DNAJC10: variants seen among roughly 807,000 people sequenced by gnomAD.
DNAJC10 encodes DnaJ heat shock protein family (Hsp40) member C10, also known as endoplasmic reticulum disulfide reductase DNAJC10.
A neutral mutation model predicts 115.0 loss-of-function variants in DNAJC10; 101 were observed. The ratio of observed to expected loss-of-function variants is 0.88; its 90% confidence interval spans 0.75 to 1.04. DNAJC10 has a LOEUF of 1.04. DNAJC10 is among the 50% of genes least tolerant of loss of function. The pLI is 0.00. For synonymous variants in DNAJC10, 307 were observed against 301.5 expected, an observed-to-expected ratio of 1.02 and a Z score of -0.19; for missense variants, 981 against 928.8, an observed-to-expected ratio of 1.06 and a Z score of -0.73.
chr2:182,751,903 GC>G, intron 15 of DNAJC10, 118 bp downstream of exon 15: 1 of 1,330,740 alleles, frequency 7.5e-7, no homozygotes, highest in Non-Finnish European at 1.0e-6. Context: ...TTCCATTATG[GC>G]CACTAATGCA....
At chr2:182,772,998 T>C (rs1694607992) in intron 22 of DNAJC10, among the ~76,000 whole-genome samples, 1 of 152,250 alleles carries the variant, frequency 6.6e-6, no homozygotes, top group African/African-American at 2.4e-5. Context: ...TTCCCAAGTT[T>C]AGTGCTTCCT....
intron 3 of DNAJC10, 21 bp from the exon 4 acceptor site, chr2:182,719,986 A>G (rs1574914505): frequency 1.5e-6 from 2 of 1,323,616 alleles, no homozygotes; most frequent in South Asian, 2.6e-5. Context: ...TAATTGTATT[A>G]TATCTAATAT....
chr2:182,772,069 C>T (rs7569212), intron 22 of DNAJC10, among the ~76,000 whole-genome samples: 5,686 of 152,210 alleles, frequency 0.037, 376 homozygotes, highest in African/African-American at 0.13. Context: ...GCCTTCATTT[C>T]GTTATTTACC....
At chr2:182,760,770 A>G in intron 21 of DNAJC10, among the ~76,000 whole-genome samples, 1 of 152,148 alleles carries the variant, frequency 6.6e-6, no homozygotes, top group East Asian at 1.9e-4. Flanking sequence ...AAAGCTTAGC[A>G]TCCCAGGCCA....
intron 14 of DNAJC10, among the ~76,000 whole-genome samples, chr2:182,745,257 T>G (rs56410902): frequency 2.8e-4 from 42 of 152,356 alleles, no homozygotes; most frequent in Non-Finnish European, 4.7e-4. Flanking sequence ...ACAGTCTGGC[T>G]CTGCCAGTTT....
chr2:182,739,587 T>C (rs1693679656), intron 11 of DNAJC10: 1 of 1,203,402 alleles, frequency 8.3e-7, no homozygotes. Context: ...GAGAGAGTTA[T>C]ATGACAAAAT....
At chr2:182,721,881 C>T in intron 4 of DNAJC10, 144 bp from the exon 5 acceptor site, 1 of 478,894 alleles carries the variant, frequency 2.1e-6, no homozygotes, top group Non-Finnish European at 3.7e-6. Context: ...TTTTTTTTCA[C>T]TTAGGATGTT....
rs182888667 is a variant in DNAJC10, at chr2:182,761,423, C to T, written c.2146-1259C>T. ...GTGTGTGTCTGCCTACATGCTTGTG[C>T]CCTAACACAAGTTAGTCTGCATTTT... On this transcript the variant is annotated intron_variant, in intron 21 of 23. Coordinates refer to ENST00000264065, the MANE Select transcript of DNAJC10 (RefSeq NM_018981.4). Among the ~76,000 whole-genome samples, 372 of 152,204 alleles carry T rather than the reference C, an allele frequency of 2.4e-3. 3 individuals are homozygous for T. The highest frequency in any genetic ancestry group is 8.6e-3 in the African/African-American group (356 of 41,550).
At chr2:182,759,791 C>T (rs1694246183) in intron 21 of DNAJC10, among the ~76,000 whole-genome samples, 1 of 152,088 alleles carries the variant, frequency 6.6e-6, no homozygotes, top group Non-Finnish European at 1.5e-5. Flanking sequence ...GTTCCAGGAA[C>T]CCCCATTCCA....
chr2:182,783,574 TAA>T lies in DNAJC10; in HGVS notation c.*6444_*6445del, dbSNP rs1277325970. On this transcript the variant is annotated 3_prime_UTR_variant, in exon 24 of 24. Transcript: ENST00000264065. ...TATCATGAAAATTATGAAGATGAGG[TAA>T]AGTCTGTTCCATTTTTCCTCTATTT... 8 of 152,194 alleles carry T rather than the reference TAA, an allele frequency of 5.3e-5. No individual in the cohort carries two copies. The highest frequency in any genetic ancestry group is 1.3e-4 in the Admixed American group (2 of 15,274). The allele number at this position is 152,194 out of a possible 1,614,324, so 9.4% of individuals were successfully genotyped here.
In DNAJC10 at chr2:182,773,283, C is replaced by T. The variant is rs137955231; in HGVS notation, c.2266-2033C>T. ...CTTAACATTTTTTCCTTCATATCAACCTTGGTGGATCTGACAATTATGTGT... is the reference window on the plus strand; with the variant it reads ...CTTAACATTTTTTCCTTCATATCAATCTTGGTGGATCTGACAATTATGTGT... On this transcript the variant is annotated intron_variant, in intron 22 of 23. Transcript: ENST00000264065. 4.6e-3 allele frequency among the ~76,000 whole-genome samples: 704 copies of T among 152,206 alleles called. 6 individuals carry two copies. Among genetic ancestry groups the T allele is most frequent in the African/African-American group, 0.016 (677 of 41,522 alleles).
intron 5 of DNAJC10, among the ~76,000 whole-genome samples, chr2:182,725,407 A>G (rs1180324364): frequency 6.6e-6 from 1 of 152,192 alleles, no homozygotes; most frequent in Non-Finnish European, 1.5e-5. Flanking sequence ...AAGACAGGCT[A>G]AAAGGTAGAC....
rs1015321720 is a variant in DNAJC10, at chr2:182,777,195, A to G, written c.*63A>G. The G allele has an allele frequency of 2.0e-6, 2 of 1,016,544 alleles. No homozygotes were observed. The highest frequency in any genetic ancestry group is 2.7e-5 in the East Asian group (1 of 37,026). 63.0% of individuals were successfully genotyped at this position (1,016,544 alleles called of 1,614,324 possible). A position where few individuals can be genotyped will look rare whatever the true frequency, so the allele number is the denominator to read the frequency against. On this transcript the variant is annotated 3_prime_UTR_variant, in exon 24 of 24. Transcript: ENST00000264065. ...TGACAGATGACATCAGAAGACACCT[A>G]TTTAGAATGTTACATTTATGATGGG...
intron 13 of DNAJC10, among the ~76,000 whole-genome samples, chr2:182,742,470 G>C (rs1255954444): frequency 1.3e-5 from 2 of 152,068 alleles, no homozygotes; most frequent in Admixed American, 1.3e-4. Context: ...GATTACAGGC[G>C]TGAGCCACCA....
chr2:182,762,725 C>T lies in DNAJC10; in HGVS notation c.2189C>T (p.Ala730Val), dbSNP rs1465405657. 9 of 1,612,350 alleles carry T rather than the reference C, an allele frequency of 5.6e-6. No homozygotes were observed. Among genetic ancestry groups the T allele is most frequent in the Non-Finnish European group, 7.6e-6 (9 of 1,178,822 alleles). ...AAAGCTGGAAAAGTAGACTGTCAGGCTTATGCTCAGACATGCCAGAAAGCT... is the reference window on the plus strand; with the variant it reads ...AAAGCTGGAAAAGTAGACTGTCAGGTTTATGCTCAGACATGCCAGAAAGCT... Reference protein sequence around the residue: ...KVKAGKVDCQAYAQTCQKAGI... With the variant: ...KVKAGKVDCQVYAQTCQKAGI... Residue 730 changes from alanine to valine, a missense_variant, in exon 22 of 24, where the codon GCT becomes GTT. Coordinates refer to ENST00000264065, the MANE Select transcript of DNAJC10 (RefSeq NM_018981.4).
intron 22 of DNAJC10, among the ~76,000 whole-genome samples, chr2:182,765,660 G>A: frequency 6.6e-6 from 1 of 152,118 alleles, no homozygotes; most frequent in East Asian, 1.9e-4. Context: ...CACCTTCATT[G>A]TTGTGGTCGA....
At chr2:182,744,508 G>A (rs1693814272) in intron 14 of DNAJC10, among the ~76,000 whole-genome samples, 1 of 152,158 alleles carries the variant, frequency 6.6e-6, no homozygotes, top group South Asian at 2.1e-4. Flanking sequence ...TCAAGAAGTG[G>A]TATTTGAATT....
intron 23 of DNAJC10, among the ~76,000 whole-genome samples, chr2:182,776,413 A>G (rs1458088415): frequency 6.6e-6 from 1 of 152,202 alleles, no homozygotes; most frequent in Non-Finnish European, 1.5e-5. Context: ...GTGTTACTGT[A>G]GATCATACTT....
At chr2:182,769,791 T>G (rs946770648) in intron 22 of DNAJC10, among the ~76,000 whole-genome samples, 12 of 152,218 alleles carry the variant, frequency 7.9e-5, no homozygotes, top group Admixed American at 2.6e-4. Flanking sequence ...CTGATGATAG[T>G]TTCTTTTGCT....
Sources: allele counts gnomAD v4.1 joint callset (sites outside exome capture counted in the v4.1 genomes callset), GRCh38; gene constraint gnomAD v4.1.1; transcripts MANE v1.5; gene names NCBI Gene and HGNC (gene_info 2026-07-23, HGNC 2026-07-21).